The following GSE1 variants were observed in gnomAD, a reference collection of about 807,000 sequenced individuals.
The protein encoded by GSE1 is Gse1 coiled-coil protein, also known as genetic suppressor element 1.
GSE1 carries 32 observed loss-of-function variants against 112.6 expected under a neutral mutation model. That is an observed-to-expected ratio of 0.28 (90% CI 0.21 to 0.38). The LOEUF is 0.38. Among genes scored for constraint, GSE1 ranks in the 10% least tolerant of loss-of-function variants. The pLI, the probability that GSE1 is intolerant of heterozygous loss-of-function variation, is 1.00. For missense variants in GSE1, 2,348 were observed against 1,699.2 expected (o/e 1.38, Z -6.71); for synonymous variants, 1,115 against 735.6 (o/e 1.52, Z -8.35).
At chr16:85,240,408 G>T (rs1281349930) in intron 1 of GSE1, among the ~76,000 whole-genome samples, 3 of 152,242 alleles carry the variant, frequency 2.0e-5, no homozygotes, top group African/African-American at 7.2e-5. Context: ...AGGGGGAGGG[G>T]GGTGGAGTGT....
chr16:85,517,528 C>T (rs2051991220), intron 2 of GSE1, among the ~76,000 whole-genome samples: 2 of 152,204 alleles, frequency 1.3e-5, no homozygotes, highest in Non-Finnish European at 2.9e-5. Flanking sequence ...AGGCCTTGTG[C>T]TGAAGCGGTT....
intron 2 of GSE1, among the ~76,000 whole-genome samples, chr16:85,498,900 C>G (rs2051270049): frequency 6.6e-6 from 1 of 152,264 alleles, no homozygotes; most frequent in African/African-American, 2.4e-5. Context: ...TGCACCTGGC[C>G]TGGGCTGACA....
At chr16:85,635,407 C>T (rs1279681530) in intron 2 of GSE1, among the ~76,000 whole-genome samples, 1 of 152,192 alleles carries the variant, frequency 6.6e-6, no homozygotes, top group Non-Finnish European at 1.5e-5. Context: ...CCTGAGCGGG[C>T]CAGGTTGCAT....
At chr16:85,523,159 TTGTG>T (rs1028025175) in intron 2 of GSE1, among the ~76,000 whole-genome samples, 18 of 150,848 alleles carry the variant, frequency 1.2e-4, no homozygotes, top group African/African-American at 3.2e-4. Flanking sequence ...CCTGTGTGTG[TTGTG>T]TGTATGTGGC....
At chr16:85,327,406 C>A (rs573660180) in intron 1 of GSE1, among the ~76,000 whole-genome samples, 21 of 152,274 alleles carry the variant, frequency 1.4e-4, no homozygotes, top group Admixed American at 9.2e-4. Context: ...AGTTTAAGAC[C>A]AGCCTGGGCA....
intron 1 of GSE1, among the ~76,000 whole-genome samples, chr16:85,227,905 A>G (rs2075516465): frequency 6.6e-6 from 1 of 152,164 alleles, no homozygotes; most frequent in Non-Finnish European, 1.5e-5. Flanking sequence ...CTCACACTTG[A>G]GTCAAGAGCA....
intron 2 of GSE1, among the ~76,000 whole-genome samples, chr16:85,464,301 A>T (rs1485067222): frequency 6.6e-6 from 1 of 151,144 alleles, no homozygotes; most frequent in Non-Finnish European, 1.5e-5. Context: ...TGTCCATCAG[A>T]TGTCGGCTTA....
intron 2 of GSE1, among the ~76,000 whole-genome samples, chr16:85,644,575 C>T (rs576860622): frequency 7.9e-5 from 12 of 152,218 alleles, no homozygotes; most frequent in South Asian, 6.2e-4. Context: ...AAGGGCCACG[C>T]GGTGGGATTC....
chr16:85,628,025 G>T (rs1038709832), intron 1 of GSE1, among the ~76,000 whole-genome samples: 1 of 152,162 alleles, frequency 6.6e-6, no homozygotes, highest in Non-Finnish European at 1.5e-5. Context: ...TCCCCACCAG[G>T]CCTGGAGGGG....
chr16:85,491,624 G>C (rs894978975), intron 2 of GSE1, among the ~76,000 whole-genome samples: 1 of 152,124 alleles, frequency 6.6e-6, no homozygotes, highest in Non-Finnish European at 1.5e-5. Flanking sequence ...CTCAGGCGGG[G>C]TCATGGCCCG....
intron 1 of GSE1, among the ~76,000 whole-genome samples, chr16:85,631,814 C>T (rs944877652): frequency 7.2e-5 from 11 of 152,252 alleles, no homozygotes; most frequent in Admixed American, 2.6e-4. Flanking sequence ...AAAGGTTGTT[C>T]AGCCAGAAGC....
At chr16:85,529,831 C>G (rs1202142669) in intron 2 of GSE1, among the ~76,000 whole-genome samples, 1 of 152,234 alleles carries the variant, frequency 6.6e-6, no homozygotes, top group Non-Finnish European at 1.5e-5. Context: ...AAACAGGACC[C>G]AGAATGCTAG....
chr16:85,465,644 A>G (rs2050102551), intron 2 of GSE1, among the ~76,000 whole-genome samples: 1 of 151,934 alleles, frequency 6.6e-6, no homozygotes, highest in African/African-American at 2.4e-5. Context: ...CTCCTCCAAG[A>G]AGCCTTCCAG....
rs554754602 is a variant in GSE1, at chr16:85,390,726, C to T, written c.2464+33083C>T. On this transcript the variant is annotated intron_variant, in intron 2 of 2. Transcript: ENST00000637419. ...TGCCCCCCCCACCCCTCCCCGCCACCGCCCAGCTCTGGGAGCCTGGCCCCA... is the reference window on the plus strand; with the variant it reads ...TGCCCCCCCCACCCCTCCCCGCCACTGCCCAGCTCTGGGAGCCTGGCCCCA... 5.8e-3 allele frequency among the ~76,000 whole-genome samples: 861 copies of T among 148,354 alleles called. 8 individuals are homozygous for T. Among genetic ancestry groups the T allele is most frequent in the African/African-American group, 0.021 (824 of 39,976 alleles).
intron 1 of GSE1, among the ~76,000 whole-genome samples, chr16:85,292,476 G>A (rs1163024328): frequency 6.6e-6 from 1 of 151,954 alleles, no homozygotes; most frequent in East Asian, 1.9e-4. Context: ...TTACAAGCAC[G>A]TGCCACCACG....
At chr16:85,305,363 C>T (rs1016524241) in intron 1 of GSE1, among the ~76,000 whole-genome samples, 1 of 152,228 alleles carries the variant, frequency 6.6e-6, no homozygotes. Context: ...TGGCTCCCTG[C>T]AGCCTCGAAC....
In GSE1 at chr16:85,485,356, G is replaced by A. The variant is rs1052500950; in HGVS notation, c.2464+127713G>A. On this transcript the variant is annotated intron_variant, in intron 2 of 2. Coordinates refer to the GSE1 transcript ENST00000637419. Reference sequence around the variant, plus strand: ...AGGGTGGGCCAGGTCCCGTGCAGCCGTTGTACAGCTACTGTCACACCAGGG... The same window carrying A: ...AGGGTGGGCCAGGTCCCGTGCAGCCATTGTACAGCTACTGTCACACCAGGG... Among the ~76,000 whole-genome samples the A allele has an allele frequency of 3.9e-5, 6 of 152,204 alleles. No homozygotes were observed. In the East Asian group the frequency reaches 5.8e-4, roughly 15 times the overall value.
upstream of GSE1, among the ~76,000 whole-genome samples, chr16:85,552,818 C>T (rs749411228): frequency 2.6e-5 from 4 of 152,214 alleles, no homozygotes; most frequent in South Asian, 6.2e-4. Context: ...GAGCACCCCT[C>T]CCTCTGTACC....
At chr16:85,238,060 G>A (rs947715444) in intron 1 of GSE1, among the ~76,000 whole-genome samples, 1 of 152,272 alleles carries the variant, frequency 6.6e-6, no homozygotes, top group Admixed American at 6.5e-5. Context: ...GTGGAGAGAG[G>A]AGGGCAGTGA....
Sources: allele counts gnomAD v4.1 joint callset (sites outside exome capture counted in the v4.1 genomes callset), GRCh38; gene constraint gnomAD v4.1.1; transcripts MANE v1.5; gene names NCBI Gene and HGNC (gene_info 2026-07-23, HGNC 2026-07-21).